Variants in PRRG1 observed in about 807,000 individuals in gnomAD.
PRRG1 encodes the protein proline rich and Gla domain 1.
In PRRG1, 5 loss-of-function variants were observed where a neutral mutation model predicts 11.8. The ratio of observed to expected loss-of-function variants is 0.42; its 90% CI spans 0.22 to 0.89. PRRG1 has a LOEUF of 0.89. Ranked by LOEUF, PRRG1 falls within the 40% of genes least tolerant of loss-of-function variation. PRRG1 has a pLI of 0.28. For synonymous variants in PRRG1, 66 were observed against 60.4 expected, an observed-to-expected ratio of 1.09 and a Z score of -0.43; for missense variants, 155 against 166.1, an observed-to-expected ratio of 0.93 and a Z score of 0.37.
At chrX:37,404,322 C>T (rs981591301) in intron 1 of PRRG1, among the ~76,000 whole-genome samples, 1 of 111,114 alleles carries the variant, frequency 9.0e-6, no homozygotes, top group Non-Finnish European at 1.9e-5. Flanking sequence ...GCTTCTCATT[C>T]GTACATGGAT....
At chrX:37,432,127 G>A (rs191298992) in intron 3 of PRRG1, among the ~76,000 whole-genome samples, 1,149 of 103,820 alleles carry the variant, frequency 0.011, 14 homozygotes, top group South Asian at 0.079. Flanking sequence ...TCGCTCTGTC[G>A]CCCAGGCTGG....
chrX:37,444,143 G>A (rs1933033148), intron 3 of PRRG1, among the ~76,000 whole-genome samples: 2 of 111,514 alleles, frequency 1.8e-5, no homozygotes, highest in South Asian at 7.5e-4. Flanking sequence ...TTTCCAGAAG[G>A]TATTCTTGCC....
At chrX:37,402,955 G>A (rs1180975621) in intron 1 of PRRG1, among the ~76,000 whole-genome samples, 3 of 111,465 alleles carry the variant, frequency 2.7e-5, no homozygotes, top group Non-Finnish European at 3.8e-5. Context: ...ACTTAGAATG[G>A]CAATCATTAA....
At chrX:37,414,583 C>T (rs948747140) in intron 2 of PRRG1, among the ~76,000 whole-genome samples, 5 of 112,796 alleles carry the variant, frequency 4.4e-5, no homozygotes, top group African/African-American at 1.3e-4. Context: ...AAAGGAAGTG[C>T]CCCTGGTACA....
At chrX:37,382,758 A>G (rs1373874418) in intron 1 of PRRG1, among the ~76,000 whole-genome samples, 2 of 111,665 alleles carry the variant, frequency 1.8e-5, no homozygotes, top group East Asian at 2.8e-4. Flanking sequence ...AGTGATGCAT[A>G]TGAGGAAATA....
chrX:37,438,430 CTTT>C (rs782783420), intron 3 of PRRG1, among the ~76,000 whole-genome samples: 1 of 69,042 alleles, frequency 1.4e-5, no homozygotes, highest in Non-Finnish European at 2.7e-5. Context: ...GAATTTTTTC[CTTT>C]TTTTTTTTTT....
intron 2 of PRRG1, among the ~76,000 whole-genome samples, chrX:37,419,108 G>A (rs1556386131): frequency 8.9e-6 from 1 of 112,320 alleles, no homozygotes; most frequent in Non-Finnish European, 1.9e-5. Flanking sequence ...ATTCATATCT[G>A]TAGTGATTAT....
At chrX:37,389,057 G>C (rs1931434453) in intron 1 of PRRG1, among the ~76,000 whole-genome samples, 1 of 111,844 alleles carries the variant, frequency 8.9e-6, no homozygotes, top group South Asian at 3.8e-4. Context: ...GATCCCTAGG[G>C]TGGGGGTACA....
intron 2 of PRRG1, among the ~76,000 whole-genome samples, chrX:37,415,414 A>G (rs980515709): frequency 2.1e-4 from 23 of 111,597 alleles, no homozygotes; most frequent in African/African-American, 7.5e-4. Flanking sequence ...TCTCAAAAAA[A>G]TAAAATAAAT....
intron 3 of PRRG1, chrX:37,440,985 T>C: frequency 1.3e-6 from 1 of 746,767 alleles, no homozygotes; most frequent in East Asian, 3.8e-5. Flanking sequence ...CCTAGGCTGG[T>C]CTCAAACTCC....
At chrX:37,368,476 G>T (rs1290067984) in intron 1 of PRRG1, among the ~76,000 whole-genome samples, 1 of 111,104 alleles carries the variant, frequency 9.0e-6, no homozygotes, top group Non-Finnish European at 1.9e-5. Context: ...TCTTCTGATG[G>T]CCATTCTAGC....
At chrX:37,441,288 T>C in intron 3 of PRRG1, 1 of 760,782 alleles carries the variant, frequency 1.3e-6, no homozygotes, top group Non-Finnish European at 1.6e-6. Flanking sequence ...GAAATGTTAC[T>C]GCAAAACTAA....
intron 3 of PRRG1, among the ~76,000 whole-genome samples, chrX:37,430,900 C>T (rs141795580): frequency 7.8e-4 from 87 of 112,020 alleles, no homozygotes; most frequent in African/African-American, 2.8e-3. Flanking sequence ...AATAGTCACA[C>T]CTACTATCTT....
intron 1 of PRRG1, among the ~76,000 whole-genome samples, chrX:37,389,711 CCTT>C (rs1348062542): frequency 8.9e-6 from 1 of 112,009 alleles, no homozygotes; most frequent in East Asian, 2.8e-4. Flanking sequence ...CCAGACCTCA[CCTT>C]CTACATTGGG....
chrX:37,432,002 C>A lies in PRRG1; in HGVS notation c.171+6002C>A, dbSNP rs781828776. Among the ~76,000 whole-genome samples the A allele has an allele frequency of 1.7e-4, 19 of 109,537 alleles. No individual in the cohort carries two copies. In the South Asian group the frequency reaches 7.6e-3, roughly 44 times the overall value. On this transcript the variant is annotated intron_variant, in intron 3 of 3. Transcript: ENST00000378628. ...ATGTTGCCCAGGCTGGTCTCGAAAT[C>A]CTGAGCTCAGGCAATCCACCCACCT...
At chrX:37,392,132 TAAAG>T (rs1480301462) in intron 1 of PRRG1, among the ~76,000 whole-genome samples, 4 of 111,678 alleles carry the variant, frequency 3.6e-5, no homozygotes, top group African/African-American at 1.3e-4. Context: ...TTAAAAAAAT[TAAAG>T]AAGAGTATTT....
chrX:37,361,717 C>G lies in PRRG1; in HGVS notation c.-42+12322C>G, dbSNP rs1028358269. ...AACACCTCCTTTTTCAGTGACAAAG[C>G]CTTGTTACTGAAAGCACTTTATGTT... On this transcript the variant is annotated intron_variant, in intron 1 of 3. Coordinates refer to ENST00000378628, the MANE Select transcript of PRRG1 (RefSeq NM_001142395.2). Among the ~76,000 whole-genome samples, 34 of 111,546 alleles carry G rather than the reference C, an allele frequency of 3.0e-4. No individual in the cohort carries two copies. In the Admixed American group the frequency reaches 3.1e-3, roughly 10 times the overall value.
intron 1 of PRRG1, among the ~76,000 whole-genome samples, chrX:37,375,022 A>G (rs1255028505): frequency 8.9e-6 from 1 of 112,179 alleles, no homozygotes; most frequent in Non-Finnish European, 1.9e-5. Flanking sequence ...AGGAAATAAA[A>G]TATCCTCTGC....
chrX:37,427,284 ATTGAG>A (rs1556388720), intron 3 of PRRG1, among the ~76,000 whole-genome samples: 1 of 112,120 alleles, frequency 8.9e-6, no homozygotes, highest in Non-Finnish European at 1.9e-5. Context: ...AAAAAAATTT[ATTGAG>A]TTATGTTTGA....
Sources: allele counts gnomAD v4.1 joint callset (sites outside exome capture counted in the v4.1 genomes callset), GRCh38; gene constraint gnomAD v4.1.1; transcripts MANE v1.5; gene names NCBI Gene and HGNC (gene_info 2026-07-23, HGNC 2026-07-21).